PTCD2: variants seen among roughly 807,000 people sequenced by gnomAD.
The protein encoded by PTCD2 is pentatricopeptide repeat domain 2.
PTCD2 carries 31 observed loss-of-function variants against 42.6 expected under a neutral mutation model. The observed-to-expected ratio is 0.73, with a 90% CI of 0.55 to 0.98. The LOEUF is 0.98. Among genes scored for constraint, PTCD2 ranks in the 50% least tolerant of loss-of-function variants. PTCD2 has a pLI of 0.00. For missense variants in PTCD2, 476 were observed against 454.8 expected (o/e 1.05, Z -0.42); for synonymous variants, 183 against 170.9 (o/e 1.07, Z -0.55).
chr5:72,326,312 C>G (rs1276770388), intron 2 of PTCD2, among the ~76,000 whole-genome samples: 1 of 152,174 alleles, frequency 6.6e-6, no homozygotes, highest in Non-Finnish European at 1.5e-5. Context: ...CTTTAGTATA[C>G]CAGAGGATCA....
chr5:72,355,392 CAATT>C (rs1327509864), intron 9 of PTCD2, among the ~76,000 whole-genome samples: 31 of 151,866 alleles, frequency 2.0e-4, no homozygotes, highest in Non-Finnish European at 3.5e-4. Flanking sequence ...TATTATTTGA[CAATT>C]AAAGTAATTG....
chr5:72,353,214 C>T (rs1009440154), intron 9 of PTCD2, among the ~76,000 whole-genome samples: 1 of 152,174 alleles, frequency 6.6e-6, no homozygotes, highest in Admixed American at 6.5e-5. Context: ...ATACATCTCT[C>T]ACACCAGCCT....
intron 1 of PTCD2, among the ~76,000 whole-genome samples, chr5:72,321,818 GT>G (rs535361587): frequency 1.7e-4 from 25 of 149,956 alleles, no homozygotes; most frequent in Non-Finnish European, 2.1e-4. Flanking sequence ...AATGTTATTA[GT>G]TTTTTTTTTA....
intron 7 of PTCD2, among the ~76,000 whole-genome samples, chr5:72,339,885 T>C (rs1304539560): frequency 1.3e-5 from 2 of 152,126 alleles, no homozygotes; most frequent in Non-Finnish European, 2.9e-5. Context: ...CTCTTTTTGC[T>C]TGTTTTTCTC....
rs551562541 is a variant in PTCD2, at chr5:72,330,183, G to T, written c.351-1075G>T. ...TCTCGATCTCCTGACCTCATAATCCGCCTGGTTCGGCCTCCCAAAGTGCTG... is the reference window on the plus strand; with the variant it reads ...TCTCGATCTCCTGACCTCATAATCCTCCTGGTTCGGCCTCCCAAAGTGCTG... On this transcript the variant is annotated intron_variant, in intron 3 of 9. Coordinates refer to ENST00000380639, the MANE Select transcript of PTCD2 (RefSeq NM_024754.5). Among the ~76,000 whole-genome samples the T allele has an allele frequency of 7.9e-5, 12 of 151,206 alleles. No homozygotes were observed. The East Asian group carries it at 2.1e-3, about 27-fold the overall frequency.
intron 3 of PTCD2, among the ~76,000 whole-genome samples, chr5:72,330,271 T>C (rs1751376436): frequency 6.6e-6 from 1 of 152,070 alleles, no homozygotes; most frequent in East Asian, 1.9e-4. Flanking sequence ...GATAATGAAA[T>C]GTATCAAAGT....
At chr5:72,335,973 C>A in intron 6 of PTCD2, 88 bp downstream of exon 6, 4 of 701,610 alleles carry the variant, frequency 5.7e-6, no homozygotes, top group South Asian at 2.0e-5. Context: ...AATTCAGTTC[C>A]TCTGAAATCT....
intron 3 of PTCD2, among the ~76,000 whole-genome samples, chr5:72,330,144 G>A (rs1048015734): frequency 2.0e-4 from 30 of 150,914 alleles, no homozygotes; most frequent in African/African-American, 6.8e-4. Context: ...GTTTCACCAT[G>A]TTAGCCAAGA....
intron 4 of PTCD2, among the ~76,000 whole-genome samples, chr5:72,332,380 A>G (rs1207917875): frequency 6.6e-6 from 1 of 152,098 alleles, no homozygotes; most frequent in Non-Finnish European, 1.5e-5. Flanking sequence ...TTTTTGTTCC[A>G]TAAGAAAAGA....
chr5:72,330,288 C>T (rs1751377066), intron 3 of PTCD2, among the ~76,000 whole-genome samples: 1 of 152,054 alleles, frequency 6.6e-6, no homozygotes, highest in Admixed American at 6.6e-5. Flanking sequence ...AAGTACACCT[C>T]ATCATTCTAT....
intron 5 of PTCD2, chr5:72,335,486 T>C (rs910800690): frequency 1.4e-5 from 4 of 279,590 alleles, no homozygotes; most frequent in African/African-American, 8.9e-5. Context: ...GATTCTTATA[T>C]CCCTGATAAG....
At chr5:72,348,243 T>C (rs1373602011) in intron 8 of PTCD2, among the ~76,000 whole-genome samples, 1 of 152,230 alleles carries the variant, frequency 6.6e-6, no homozygotes, top group Non-Finnish European at 1.5e-5. Flanking sequence ...CAAGGCTGAC[T>C]CATCTACTTG....
chr5:72,328,846 A>G (rs757360766), intron 3 of PTCD2, among the ~76,000 whole-genome samples: 1 of 152,340 alleles, frequency 6.6e-6, no homozygotes, highest in Admixed American at 6.5e-5. Flanking sequence ...TTTCACCAGT[A>G]TAAATAATGT....
rs538992733 is a variant in PTCD2 at position 72,359,298 on chromosome 5, G to A, written c.*871G>A. ...TATTAAAAAAAAATGTGCCATGAGA[G>A]CAGTTCAAAGCTGCTTCATACTTAT... On this transcript the variant is annotated 3_prime_UTR_variant, in exon 10 of 10. Coordinates refer to ENST00000380639, the MANE Select transcript of PTCD2 (RefSeq NM_024754.5). 5.9e-5 allele frequency: 9 copies of A among 152,196 alleles called. No homozygotes were observed. In the South Asian group the frequency reaches 1.9e-3, roughly 32 times the overall value. The allele number at this position is 152,196 out of a possible 1,614,324, so 9.4% of individuals were successfully genotyped here. A position where few individuals can be genotyped will look rare whatever the true frequency, so the allele number is the denominator to read the frequency against.
chr5:72,329,891 A>C (rs1338333018), intron 3 of PTCD2, among the ~76,000 whole-genome samples: 1 of 152,204 alleles, frequency 6.6e-6, no homozygotes, highest in African/African-American at 2.4e-5. Flanking sequence ...CCAAAAACTT[A>C]ATTTATAAGT....
chr5:72,326,419 C>T (rs1751140588), intron 2 of PTCD2, among the ~76,000 whole-genome samples, 193 bp from the exon 3 acceptor site: 1 of 152,156 alleles, frequency 6.6e-6, no homozygotes, highest in South Asian at 2.1e-4. Flanking sequence ...ATGTCCCTGC[C>T]TCCTGTGACA....
rs1032816666 is a variant in PTCD2, at chr5:72,364,411, T to A, written c.*5984T>A. On this transcript the variant is annotated 3_prime_UTR_variant, in exon 10 of 10. Transcript: ENST00000380639. ...AAAGGAAGACCTTTTGCTGGTGTTT[T>A]GTAAAACCAGTTGTCTGTGTCATTT... The A allele has an allele frequency of 6.6e-6, 1 of 152,250 alleles. No individual in the cohort carries two copies. The highest frequency in any genetic ancestry group is 1.5e-5 in the Non-Finnish European group (1 of 68,050). 9.4% of individuals were successfully genotyped at this position (152,250 alleles called of 1,614,324 possible).
intron 8 of PTCD2, among the ~76,000 whole-genome samples, chr5:72,351,285 G>T (rs562279612): frequency 3.9e-5 from 6 of 152,240 alleles, no homozygotes; most frequent in South Asian, 2.1e-4. Flanking sequence ...GCACAAGTTG[G>T]TGGAAGATAG....
intron 9 of PTCD2, among the ~76,000 whole-genome samples, chr5:72,357,391 G>T (rs1274932325): frequency 2.0e-5 from 3 of 152,004 alleles, no homozygotes; most frequent in Admixed American, 2.0e-4. Flanking sequence ...CTTCTTTTCT[G>T]TACCTTTCCC....
Sources: allele counts gnomAD v4.1 joint callset (sites outside exome capture counted in the v4.1 genomes callset), GRCh38; gene constraint gnomAD v4.1.1; transcripts MANE v1.5; gene names NCBI Gene and HGNC (gene_info 2026-07-23, HGNC 2026-07-21).